The following POLK variants were observed in gnomAD, a reference collection of about 807,000 sequenced individuals.
POLK encodes DNA polymerase kappa.
POLK carries 76 observed loss-of-function variants against 94.0 expected under a neutral mutation model. The observed-to-expected ratio is 0.81, with a 90% CI of 0.67 to 0.98. POLK has a LOEUF of 0.98. Among genes scored for constraint, POLK ranks in the 50% least tolerant of loss-of-function variants. The pLI, the probability that POLK is intolerant of heterozygous loss-of-function variation, is 0.00. For missense variants in POLK, 954 were observed against 1,010.1 expected (o/e 0.94, Z 0.75); for synonymous variants, 349 against 325.4 (o/e 1.07, Z -0.78).
intron 1 of POLK, among the ~76,000 whole-genome samples, chr5:75,542,664 T>C (rs902449957): frequency 5.4e-5 from 8 of 146,872 alleles, no homozygotes; most frequent in African/African-American, 1.5e-4. Context: ...CATATATATA[T>C]ACACATATAT....
At chr5:75,577,909 C>T (rs1272782702) in intron 6 of POLK, among the ~76,000 whole-genome samples, 1 of 152,152 alleles carries the variant, frequency 6.6e-6, no homozygotes, top group Non-Finnish European at 1.5e-5. Flanking sequence ...TTTCTCGACA[C>T]AGGCACAGAG....
At chr5:75,537,391 G>C (rs573871491) in intron 1 of POLK, among the ~76,000 whole-genome samples, 1 of 152,236 alleles carries the variant, frequency 6.6e-6, no homozygotes, top group Non-Finnish European at 1.5e-5. Flanking sequence ...GTGTTGGTTA[G>C]GTTCTCCTGG....
chr5:75,531,358 A>G (rs1304004643), intron 1 of POLK, among the ~76,000 whole-genome samples: 3 of 151,134 alleles, frequency 2.0e-5, no homozygotes. Context: ...TATATAGTAT[A>G]TAGCTATATA....
At chr5:75,601,329 G>T (rs1561421862), downstream of POLK, among the ~76,000 whole-genome samples, 1 of 152,030 alleles carries the variant, frequency 6.6e-6, no homozygotes, top group Non-Finnish European at 1.5e-5. Context: ...TCAGTATTTG[G>T]TCTTCTTTCC....
At chr5:75,544,916 A>T (rs1031319777) in intron 1 of POLK, among the ~76,000 whole-genome samples, 1 of 152,052 alleles carries the variant, frequency 6.6e-6, no homozygotes, top group Non-Finnish European at 1.5e-5. Flanking sequence ...CAAAAAACCA[A>T]CCTATATTCC....
At chr5:75,567,204 T>C (rs902716184) in intron 3 of POLK, among the ~76,000 whole-genome samples, 8 of 152,220 alleles carry the variant, frequency 5.3e-5, no homozygotes. Context: ...TTGCTTTCTA[T>C]TTATTATCTT....
chr5:75,538,503 T>G (rs1769567690), intron 1 of POLK: 1 of 152,134 alleles, frequency 6.6e-6, no homozygotes, highest in African/African-American at 2.4e-5. Context: ...TTTTGAAACT[T>G]CAAAAAAAAT....
chr5:75,576,580 T>C (rs1581061713), intron 5 of POLK, among the ~76,000 whole-genome samples, 200 bp from the exon 6 acceptor site: 1 of 152,190 alleles, frequency 6.6e-6, no homozygotes, highest in African/African-American at 2.4e-5. Context: ...TCTGCCTTCA[T>C]GGTCTATTTT....
intron 1 of POLK, among the ~76,000 whole-genome samples, chr5:75,533,683 A>G (rs560703698): frequency 6.6e-6 from 1 of 152,292 alleles, no homozygotes; most frequent in Non-Finnish European, 1.5e-5. Flanking sequence ...CTTTGGGAGC[A>G]TGACTATTTT....
intron 10 of POLK, among the ~76,000 whole-genome samples, chr5:75,588,845 C>G (rs936470742): frequency 1.3e-5 from 2 of 152,110 alleles, no homozygotes; most frequent in African/African-American, 4.8e-5. Flanking sequence ...TTATAAGGAC[C>G]CTTGGGATTA....
At chr5:75,561,248 G>A (rs1239106370) in intron 3 of POLK, among the ~76,000 whole-genome samples, 8 of 152,060 alleles carry the variant, frequency 5.3e-5, no homozygotes, top group East Asian at 3.9e-4. Context: ...TTTGATTTGC[G>A]TTTCTCTAAT....
chr5:75,581,515 T>G, intron 7 of POLK, 67 bp downstream of exon 7: 2 of 1,312,358 alleles, frequency 1.5e-6, no homozygotes, highest in Non-Finnish European at 2.1e-6. Flanking sequence ...AAGTGTAATA[T>G]TAGTAGTTTC....
At chr5:75,608,186 A>C in the POLK span, among the ~76,000 whole-genome samples, 1 of 151,912 alleles carries the variant, frequency 6.6e-6, no homozygotes, top group Admixed American at 6.6e-5. Context: ...ATGCAGTAAG[A>C]AACTTAATTA....
rs1769198167 is a variant in POLK at position 75,531,833 on chromosome 5, C to CT, written c.-13-15174dup. 2.0e-5 allele frequency among the ~76,000 whole-genome samples: 3 copies of CT among 152,150 alleles called. 1 individual carries two copies. The South Asian group carries it at 6.2e-4, about 32-fold the overall frequency. On this transcript the variant is annotated intron_variant, in intron 1 of 14. Coordinates refer to ENST00000241436, the Ensembl canonical transcript of POLK. ...AAGTAAGCTGTAAACTTATCTCATA[C>CT]TTTCTGAGGGTCAAGGATATGAGCA...
At chr5:75,564,765 G>A (rs1237933572) in intron 3 of POLK, among the ~76,000 whole-genome samples, 2 of 152,178 alleles carry the variant, frequency 1.3e-5, no homozygotes, top group Non-Finnish European at 2.9e-5. Flanking sequence ...CCGTTATTCT[G>A]ATGGACTTCC....
Position 75,524,257 on chromosome 5 carries a change from T to C in POLK, c.-14+12343T>C, listed in dbSNP as rs1768727835. ...CATCTCTGTACTTTGAAGGTAGGGG[T>C]GGACAGTTCACAGAATAGGTTTAAA... is the stretch of plus-strand genomic sequence containing the variant. On this transcript the variant is annotated intron_variant, in intron 1 of 14. Coordinates refer to ENST00000241436, the Ensembl canonical transcript of POLK. 5.3e-5 allele frequency among the ~76,000 whole-genome samples: 8 copies of C among 152,052 alleles called. 1 individual carries two copies. The highest frequency in any genetic ancestry group is 5.2e-4 in the Admixed American group (8 of 15,264).
At chr5:75,600,911 A>T (rs1020082504) in exon 15 of POLK, 5 of 152,172 alleles carry the variant, frequency 3.3e-5, no homozygotes, top group African/African-American at 1.2e-4. Context: ...CTGTAAAGAA[A>T]AGCAAGTGTT....
Position 75,527,079 on chromosome 5 carries a change from A to G in POLK, c.-14+15165A>G, listed in dbSNP as rs188323507. On this transcript the variant is annotated intron_variant, in intron 1 of 14. Transcript: ENST00000241436. ...TGCATTTGATATGAATGGTAGTGAA[A>G]GATATTGTGTATTAAATTTGGCTTT... is the stretch of plus-strand genomic sequence containing the variant. 3.1e-4 allele frequency among the ~76,000 whole-genome samples: 47 copies of G among 152,334 alleles called. 2 individuals are homozygous for G. Among genetic ancestry groups the G allele is most frequent in the Middle Eastern group, 6.8e-3 (2 of 294 alleles).
At chr5:75,535,240 C>G (rs547680355) in intron 1 of POLK, among the ~76,000 whole-genome samples, 1 of 152,252 alleles carries the variant, frequency 6.6e-6, no homozygotes, top group Admixed American at 6.5e-5. Context: ...ATATGGAATT[C>G]TTGGTTGAAA....
Sources: gnomAD v4.1 joint callset for allele counts (sites outside exome capture counted in the v4.1 genomes callset) on GRCh38, gnomAD v4.1.1 for gene constraint, MANE v1.5 for transcripts, NCBI Gene and HGNC (gene_info 2026-07-23, HGNC 2026-07-21) for gene names.